SLCO4A1: variants seen among roughly 807,000 people sequenced by gnomAD.
SLCO4A1 encodes solute carrier organic anion transporter family member 4A1, also known as colon organic anion transporter.
In SLCO4A1, 51 loss-of-function variants were observed where a neutral mutation model predicts 64.6. The ratio of observed to expected loss-of-function variants is 0.79; its 90% CI spans 0.63 to 1.00. The LOEUF is 1.00. SLCO4A1 is among the 50% of genes least tolerant of loss of function. The pLI, the probability that SLCO4A1 is intolerant of heterozygous loss-of-function variation, is 0.00. For synonymous variants in SLCO4A1, 471 were observed against 444.9 expected, an observed-to-expected ratio of 1.06 and a Z score of -0.74; for missense variants, 919 against 980.5, an observed-to-expected ratio of 0.94 and a Z score of 0.84.
At position 62,657,269 on chromosome 20, in the gene SLCO4A1, G is replaced by A. The variant is rs1411281160; in HGVS notation, c.796+19G>A. The A allele has an allele frequency of 1.0e-5, 15 of 1,503,438 alleles. No homozygotes were observed. Among genetic ancestry groups the A allele is most frequent in the Non-Finnish European group, 1.3e-5 (14 of 1,117,364 alleles). 93.1% of individuals were successfully genotyped at this position (1,503,438 alleles called of 1,614,324 possible). A position where few individuals can be genotyped will look rare whatever the true frequency, so the allele number is the denominator to read the frequency against. ...TACATTGGTGAGTGGGGCTGGCGGG[G>A]TAAGTGCTGGCAGGGGTGGCTGAGG... is the stretch of plus-strand genomic sequence containing the variant. On this transcript the variant is annotated intron_variant, in intron 2 of 11. Coordinates refer to ENST00000217159, the MANE Select transcript of SLCO4A1 (RefSeq NM_016354.4).
intron 2 of SLCO4A1, among the ~76,000 whole-genome samples, chr20:62,683,667 C>T (rs1200118400): frequency 6.6e-6 from 1 of 152,200 alleles, no homozygotes; most frequent in East Asian, 1.9e-4. Flanking sequence ...AGCACGGCAA[C>T]ACACAGTGTG....
chr20:62,677,968 G>A (rs149356884), intron 2 of SLCO4A1, among the ~76,000 whole-genome samples: 23 of 152,358 alleles, frequency 1.5e-4, no homozygotes, highest in African/African-American at 5.5e-4. Flanking sequence ...AGCCACACCT[G>A]CAGATTTGGG....
At chr20:62,670,144 C>T (rs1419976269) in intron 11 of SLCO4A1, 1 of 152,230 alleles carries the variant, frequency 6.6e-6, no homozygotes, top group African/African-American at 2.4e-5. Flanking sequence ...CTGCAGGGAG[C>T]TTTGGGGATA....
intron 7 of SLCO4A1, chr20:62,666,872 C>T (rs1986446917): frequency 2.7e-6 from 1 of 373,778 alleles, no homozygotes; most frequent in South Asian, 5.9e-5. Flanking sequence ...AACAACAGCC[C>T]TAGTGTTCGG....
chr20:62,684,718 C>T (rs1987989640), intron 2 of SLCO4A1, among the ~76,000 whole-genome samples: 1 of 152,168 alleles, frequency 6.6e-6, no homozygotes, highest in African/African-American at 2.4e-5. Context: ...GCAAACCCCC[C>T]CACTGCCCTG....
chr20:62,655,899 C>G (rs986870163), intron 1 of SLCO4A1, among the ~76,000 whole-genome samples: 16 of 152,232 alleles, frequency 1.1e-4, no homozygotes, highest in African/African-American at 3.6e-4. Flanking sequence ...TGGAGTCCAT[C>G]AGGGCCACTT....
At chr20:62,670,601 G>T (rs962590001) in intron 11 of SLCO4A1, among the ~76,000 whole-genome samples, 1 of 152,218 alleles carries the variant, frequency 6.6e-6, no homozygotes, top group Non-Finnish European at 1.5e-5. Context: ...CTGCGGATGA[G>T]GGGGCTGCTG....
chr20:62,676,432 A>G (rs1389478759), downstream of SLCO4A1, among the ~76,000 whole-genome samples: 3 of 152,208 alleles, frequency 2.0e-5, no homozygotes, highest in East Asian at 5.8e-4. Flanking sequence ...AATAATAATA[A>G]GAAGAATTCC....
rs3195701 is a variant in SLCO4A1, at chr20:62,657,003, G to T, written c.549G>T (p.Gly183=). ...GGGGCGTGCTGCTTATGGGCACGGGGTCGCTGGTGTTCGCGCTGCCCCACT... is the reference window on the plus strand; with the variant it reads ...GGGGCGTGCTGCTTATGGGCACGGGTTCGCTGGTGTTCGCGCTGCCCCACT... ...LGWGVLLMGT[G]SLVFALPHFT... is the part of the protein sequence containing the mutation. Residue 183 remains glycine (G), a synonymous_variant, in exon 2 of 12, where the codon GGG becomes GGT. Coordinates refer to ENST00000217159, the MANE Select transcript of SLCO4A1 (RefSeq NM_016354.4). 0.25 allele frequency: 398,539 copies of T among 1,574,472 alleles called. 53,769 individuals are homozygous for T. The highest frequency in any genetic ancestry group is 0.28 in the Non-Finnish European group (324,706 of 1,155,306).
rs750115030 is a variant in SLCO4A1 at position 62,668,949 on chromosome 20, C to T, written c.1896C>T (p.Ile632=). The T allele has an allele frequency of 6.2e-6, 10 of 1,606,378 alleles. No individual in the cohort carries two copies. The East Asian group carries it at 6.7e-5, about 11-fold the overall frequency. Residue 632 remains isoleucine, a synonymous_variant, in exon 11 of 12, where the codon ATC becomes ATT. Transcript: ENST00000217159. ...CCGCAGGGGGCATCCCGGGGCCCAT[C>T]GCCTTCGGCTGGGTGATCGACAAGG... The part of the protein sequence containing the change: ...VRILGGIPGP[I]AFGWVIDKAC...
intron 2 of SLCO4A1, among the ~76,000 whole-genome samples, chr20:62,678,117 C>T (rs1681699323): frequency 6.6e-6 from 1 of 152,248 alleles, no homozygotes; most frequent in Non-Finnish European, 1.5e-5. Context: ...TTATGCAGCG[C>T]TGTGGCCTGC....
chr20:62,682,402 A>G lies in SLCO4A1; in HGVS notation n.212-3039A>G, dbSNP rs116196657. ...AATTGCCGGGGCCACAGAGTCGACT[A>G]TGGCAGATGGCACTTTCCCCAAATG... On this transcript the variant is annotated intron_variant and non_coding_transcript_variant, in intron 2 of 2. Transcript: ENST00000466818. Among the ~76,000 whole-genome samples, 294 of 152,310 alleles carry G rather than the reference A, an allele frequency of 1.9e-3. 3 individuals are homozygous for G. The highest frequency in any genetic ancestry group is 6.9e-3 in the African/African-American group (285 of 41,564).
At position 62,661,932 on chromosome 20, in the gene SLCO4A1, A is replaced by G. The variant is rs1324215024; in HGVS notation, c.1121+757A>G. 2.6e-5 allele frequency among the ~76,000 whole-genome samples: 4 copies of G among 152,018 alleles called. No homozygotes were observed. The highest frequency in any genetic ancestry group is 9.7e-5 in the African/African-American group (4 of 41,398). On this transcript the variant is annotated intron_variant, in intron 5 of 11. Transcript: ENST00000217159. This position sits in a 1 kb window ranked among gnomAD's most constrained non-coding sequence, Gnocchi z 5.2. ...ATGCCTTCCCTGGGGGGCTCTCCCC[A>G]GGGCTGGGCACAGGTGGCCCTCAGG...
At position 62,645,092 on chromosome 20, in the gene SLCO4A1, G is replaced by T. The variant is rs1005301446; in HGVS notation, c.-97+2539G>T. ...AGACCTTGCTGTTGCCTTCGTTCTGGGACATGGACCACTGTCTGGCCCCCC... is the reference window on the plus strand; with the variant it reads ...AGACCTTGCTGTTGCCTTCGTTCTGTGACATGGACCACTGTCTGGCCCCCC... On this transcript the variant is annotated intron_variant, in intron 1 of 11. Coordinates refer to ENST00000217159, the MANE Select transcript of SLCO4A1 (RefSeq NM_016354.4). The surrounding 1 kb of genome is among the most constrained non-coding windows in gnomAD (Gnocchi z 4.2). 6.6e-6 allele frequency among the ~76,000 whole-genome samples: 1 copy of T among 152,210 alleles called. No homozygotes were observed. Among genetic ancestry groups the T allele is most frequent in the African/African-American group, 2.4e-5 (1 of 41,444 alleles).
chr20:62,678,885 G>A (rs989848895), intron 2 of SLCO4A1, among the ~76,000 whole-genome samples: 6 of 152,158 alleles, frequency 3.9e-5, no homozygotes, highest in Admixed American at 6.5e-5. Flanking sequence ...GAGACAAGCC[G>A]TTGCCAGGGG....
intron 10 of SLCO4A1, 74 bp downstream of exon 10, chr20:62,668,615 A>G: frequency 7.3e-7 from 1 of 1,378,482 alleles, no homozygotes; most frequent in Non-Finnish European, 1.0e-6. Context: ...GCAAGTGTCT[A>G]ACCACCAAGG....
intron 2 of SLCO4A1, among the ~76,000 whole-genome samples, chr20:62,682,649 CCACACACACA>C (rs10552847): frequency 3.3e-5 from 5 of 150,684 alleles, no homozygotes; most frequent in South Asian, 2.1e-4. Context: ...GACCATGTGA[CCACACACACA>C]CACACACACA....
At chr20:62,660,384 G>C in intron 3 of SLCO4A1, 28 bp from the exon 4 acceptor site, 1 of 1,594,518 alleles carries the variant, frequency 6.3e-7, no homozygotes, top group Non-Finnish European at 8.5e-7. Flanking sequence ...GCTGCACGCT[G>C]ACCCAGGTGC....
intron 1 of SLCO4A1, among the ~76,000 whole-genome samples, chr20:62,652,839 C>T (rs574423549): frequency 5.9e-5 from 9 of 152,350 alleles, no homozygotes; most frequent in African/African-American, 2.2e-4. Flanking sequence ...CAAACAGCCT[C>T]CCGGCAGTGT....
Sources: allele counts gnomAD v4.1 joint callset (sites outside exome capture counted in the v4.1 genomes callset), GRCh38; gene constraint gnomAD v4.1.1; non-coding constraint Gnocchi (gnomAD v3.1); transcripts MANE v1.5; gene names NCBI Gene and HGNC (gene_info 2026-07-23, HGNC 2026-07-21).